The following VOPP1 variants were observed in gnomAD, a reference collection of about 807,000 sequenced individuals.
VOPP1 encodes the protein VOPP1 WW domain binding protein, also known as WW domain binding protein VOPP1.
A neutral mutation model predicts 23.5 loss-of-function variants in VOPP1; 8 were observed. The observed-to-expected ratio is 0.34, with a 90% confidence interval of 0.20 to 0.61. The LOEUF (loss-of-function observed/expected upper bound fraction) is 0.61, where lower values mean the gene tolerates loss of function less well. Ranked by LOEUF, VOPP1 falls within the 20% of genes least tolerant of loss-of-function variation. VOPP1 has a pLI of 0.78. For missense variants in VOPP1, 174 were observed against 238.1 expected, an observed-to-expected ratio of 0.73 and a Z score of 1.77; for synonymous variants, 83 against 97.3, an observed-to-expected ratio of 0.85 and a Z score of 0.86.
At chr7:55,519,783 C>T (rs762627884) in intron 2 of VOPP1, among the ~76,000 whole-genome samples, 64 of 152,216 alleles carry the variant, frequency 4.2e-4, no homozygotes, top group Admixed American at 3.3e-4. Flanking sequence ...TGTGCTTTAC[C>T]CGCACTCACA....
At chr7:55,450,908 CAAAG>C (rs1791227220) in intron 4 of VOPP1, among the ~76,000 whole-genome samples, 1 of 152,230 alleles carries the variant, frequency 6.6e-6, no homozygotes, top group Non-Finnish European at 1.5e-5. Flanking sequence ...GGGAGAAAGA[CAAAG>C]AGAGTGCTCT....
At chr7:55,435,783 A>G (rs1790808141), downstream of VOPP1, among the ~76,000 whole-genome samples, 1 of 152,084 alleles carries the variant, frequency 6.6e-6, no homozygotes, top group Non-Finnish European at 1.5e-5. Flanking sequence ...TCCCGTTTGG[A>G]GGTGGGAAGC....
chr7:55,462,066 A>C (rs1203630784), intron 4 of VOPP1, among the ~76,000 whole-genome samples: 1 of 152,128 alleles, frequency 6.6e-6, no homozygotes, highest in Non-Finnish European at 1.5e-5. Flanking sequence ...GCTGGGAAAG[A>C]CTTTATTACT....
chr7:55,489,933 T>C (rs868102916), intron 4 of VOPP1, among the ~76,000 whole-genome samples: 5 of 152,086 alleles, frequency 3.3e-5, no homozygotes, highest in African/African-American at 7.2e-5. Context: ...AACTTCACTA[T>C]GGGTACAACA....
At chr7:55,533,920 C>T (rs1159698975) in intron 1 of VOPP1, among the ~76,000 whole-genome samples, 6 of 152,100 alleles carry the variant, frequency 3.9e-5, no homozygotes, top group Admixed American at 3.3e-4. Context: ...AAAACACCCA[C>T]AGGAAGGAGG....
chr7:55,569,654 A>G (rs1798283715), intron 1 of VOPP1, among the ~76,000 whole-genome samples: 1 of 152,236 alleles, frequency 6.6e-6, no homozygotes. Context: ...TTTATAGAAC[A>G]GTGCCTGGCA....
intron 1 of VOPP1, among the ~76,000 whole-genome samples, chr7:55,523,803 A>C (rs1212225965): frequency 6.6e-6 from 1 of 152,242 alleles, no homozygotes; most frequent in East Asian, 1.9e-4. Flanking sequence ...TGTCTCTGTA[A>C]AAGCTAATGA....
At chr7:55,502,817 C>A (rs1279723691) in intron 2 of VOPP1, among the ~76,000 whole-genome samples, 1 of 152,232 alleles carries the variant, frequency 6.6e-6, no homozygotes, top group Non-Finnish European at 1.5e-5. Context: ...CGCAAGACTA[C>A]ACCTTTGCAG....
intron 1 of VOPP1, among the ~76,000 whole-genome samples, chr7:55,558,210 CACA>C (rs1797873011): frequency 6.6e-6 from 1 of 151,826 alleles, no homozygotes; most frequent in South Asian, 2.1e-4. Flanking sequence ...CCTTATGACA[CACA>C]ATAATAATAA....
At chr7:55,493,579 A>G (rs1045003641) in intron 3 of VOPP1, among the ~76,000 whole-genome samples, 1 of 152,254 alleles carries the variant, frequency 6.6e-6, no homozygotes, top group Non-Finnish European at 1.5e-5. Context: ...GGAAAGACTG[A>G]AACTGTGGCC....
chr7:55,485,056 T>C (rs1302919855), intron 4 of VOPP1, among the ~76,000 whole-genome samples: 1 of 152,206 alleles, frequency 6.6e-6, no homozygotes, highest in Non-Finnish European at 1.5e-5. Flanking sequence ...GGGCTTCTTT[T>C]TGTTTGTTTT....
chr7:55,533,667 C>A (rs1053835316), intron 1 of VOPP1, among the ~76,000 whole-genome samples: 1 of 152,194 alleles, frequency 6.6e-6, no homozygotes, highest in African/African-American at 2.4e-5. Context: ...ACCCCTCATA[C>A]TACCCACCAA....
chr7:55,462,011 C>T (rs111335434), intron 4 of VOPP1, among the ~76,000 whole-genome samples: 1,830 of 152,290 alleles, frequency 0.012, 13 homozygotes, highest in Admixed American at 0.021. Flanking sequence ...AAGCATTTCT[C>T]GTAGGGCTGG....
At chr7:55,493,534 G>C (rs1388287886) in intron 3 of VOPP1, among the ~76,000 whole-genome samples, 5 of 152,256 alleles carry the variant, frequency 3.3e-5, no homozygotes, top group Non-Finnish European at 1.5e-5. Flanking sequence ...GCTGAGCAGG[G>C]AGAAAAGCCA....
chr7:55,544,081 T>C (rs1797257052), intron 1 of VOPP1, among the ~76,000 whole-genome samples: 1 of 152,212 alleles, frequency 6.6e-6, no homozygotes, highest in Non-Finnish European at 1.5e-5. Context: ...TTTGAGTTGA[T>C]TTTTGTACAT....
At chr7:55,438,122 T>G (rs762911225) in intron 4 of VOPP1, among the ~76,000 whole-genome samples, 1 of 152,054 alleles carries the variant, frequency 6.6e-6, no homozygotes, top group African/African-American at 2.4e-5. Context: ...AGGCTGATCT[T>G]GAACTCAGGT....
intron 1 of VOPP1, among the ~76,000 whole-genome samples, chr7:55,551,428 G>A (rs754777439): frequency 7.2e-5 from 11 of 152,046 alleles, no homozygotes; most frequent in African/African-American, 2.2e-4. Flanking sequence ...CTTCAAAATC[G>A]GGTTCTGAGT....
chr7:55,437,819 T>C (rs1790867865), intron 4 of VOPP1, among the ~76,000 whole-genome samples: 1 of 152,202 alleles, frequency 6.6e-6, no homozygotes, highest in Non-Finnish European at 1.5e-5. Context: ...AGTCCTTCTA[T>C]TGAATGTTTC....
chr7:55,440,087 C>T (rs559428027), intron 4 of VOPP1, among the ~76,000 whole-genome samples: 51 of 152,292 alleles, frequency 3.3e-4, no homozygotes, highest in Middle Eastern at 3.4e-3. Context: ...CTGGTGAGAG[C>T]GGGTGGCAGG....
Sources: gnomAD v4.1 joint callset for allele counts (sites outside exome capture counted in the v4.1 genomes callset) on GRCh38, gnomAD v4.1.1 for gene constraint, MANE v1.5 for transcripts, NCBI Gene and HGNC (gene_info 2026-07-23, HGNC 2026-07-21) for gene names.